Variants in CSMD1 observed in about 807,000 individuals in gnomAD.
The protein encoded by CSMD1 is CUB and sushi domain-containing protein 1.
CSMD1 carries 213 observed loss-of-function variants against 417.5 expected under a neutral mutation model. The ratio of observed to expected loss-of-function variants is 0.51; its 90% CI spans 0.46 to 0.57. CSMD1 has a LOEUF of 0.57. Ranked by LOEUF, CSMD1 falls within the 20% of genes least tolerant of loss-of-function variation. The pLI, the probability that CSMD1 is intolerant of heterozygous loss-of-function variation, is 0.00. For missense variants in CSMD1, 6,923 were observed against 4,529.7 expected (o/e 1.53, Z -15.17); for synonymous variants, 2,862 against 1,736.8 (o/e 1.65, Z -16.11).
At chr8:3,890,214 T>A (rs1312888624) in intron 5 of CSMD1, among the ~76,000 whole-genome samples, 1 of 152,152 alleles carries the variant, frequency 6.6e-6, no homozygotes. Flanking sequence ...CAATTTTACT[T>A]TTAATAAAAG....
chr8:4,898,852 T>A (rs1385020565), intron 1 of CSMD1, among the ~76,000 whole-genome samples: 1 of 152,174 alleles, frequency 6.6e-6, no homozygotes, highest in African/African-American at 2.4e-5. Context: ...AATGACAGTG[T>A]GGTTTATTTG....
chr8:3,268,287 C>CGTTT (rs1801580454), intron 26 of CSMD1, among the ~76,000 whole-genome samples: 1 of 114,652 alleles, frequency 8.7e-6, no homozygotes, highest in Admixed American at 1.0e-4. Flanking sequence ...GGTTCATTTC[C>CGTTT]TATTTTTTTT....
At chr8:4,436,341 CCTT>C (rs763304340) in intron 2 of CSMD1, among the ~76,000 whole-genome samples, 5 of 152,064 alleles carry the variant, frequency 3.3e-5, no homozygotes, top group Admixed American at 6.6e-5. Context: ...GTCAATCTCT[CCTT>C]CTTGTGGAGA....
chr8:3,306,896 A>C (rs180706555), intron 25 of CSMD1, among the ~76,000 whole-genome samples: 2 of 152,240 alleles, frequency 1.3e-5, no homozygotes, highest in South Asian at 4.1e-4. Flanking sequence ...ACTCATCATC[A>C]TAACTCAGAA....
chr8:3,774,692 G>C (rs544682578), intron 5 of CSMD1, among the ~76,000 whole-genome samples: 22 of 152,232 alleles, frequency 1.4e-4, no homozygotes, highest in African/African-American at 4.8e-4. Flanking sequence ...CTAATGCTAA[G>C]TGCAAAGGAA....
intron 5 of CSMD1, among the ~76,000 whole-genome samples, chr8:3,817,577 C>G (rs947399675): frequency 6.6e-6 from 1 of 151,994 alleles, no homozygotes; most frequent in Non-Finnish European, 1.5e-5. Flanking sequence ...CTGCGCCTGG[C>G]CATCTTCTTT....
At chr8:4,923,280 G>A (rs1267924045) in intron 1 of CSMD1, among the ~76,000 whole-genome samples, 2 of 152,102 alleles carry the variant, frequency 1.3e-5, no homozygotes, top group African/African-American at 4.8e-5. Context: ...ACTCACTCAT[G>A]CCTCATCCTC....
intron 26 of CSMD1, among the ~76,000 whole-genome samples, chr8:3,252,042 T>G (rs182450683): frequency 1.9e-3 from 283 of 152,324 alleles, no homozygotes; most frequent in African/African-American, 6.5e-3. Flanking sequence ...TTTTCCTAAT[T>G]GAATACCTTT....
At chr8:4,193,794 G>GC (rs1445978319) in intron 3 of CSMD1, among the ~76,000 whole-genome samples, 1 of 152,054 alleles carries the variant, frequency 6.6e-6, no homozygotes, top group Non-Finnish European at 1.5e-5. Context: ...TGACATCGAA[G>GC]GATGCTATGG....
At chr8:3,739,458 T>C (rs890417077) in intron 6 of CSMD1, among the ~76,000 whole-genome samples, 1 of 152,228 alleles carries the variant, frequency 6.6e-6, no homozygotes, top group African/African-American at 2.4e-5. Context: ...CACCCGTTAA[T>C]TACTCTGGTT....
chr8:3,520,041 C>T lies in CSMD1; in HGVS notation c.1345-26315G>A, dbSNP rs866641033. 9.5e-3 allele frequency among the ~76,000 whole-genome samples: 982 copies of T among 103,854 alleles called. 12 individuals are homozygous for T. The highest frequency in any genetic ancestry group is 0.044 in the African/African-American group (920 of 20,682). 68.1% of individuals were successfully genotyped at this position (103,854 alleles called of 152,430 possible). A position where few individuals can be genotyped will look rare whatever the true frequency, so the allele number is the denominator to read the frequency against. ...ATACCTATATATATATATATATATA[C>T]ACGTATAGTTGTGAAACTTGCTCCA... is the stretch of plus-strand genomic sequence containing the variant. On this transcript the variant is annotated intron_variant, in intron 10 of 69. Coordinates refer to ENST00000635120, the MANE Select transcript of CSMD1 (RefSeq NM_033225.6).
chr8:4,696,590 C>T (rs746129453), intron 1 of CSMD1, among the ~76,000 whole-genome samples: 6 of 152,078 alleles, frequency 3.9e-5, no homozygotes, highest in African/African-American at 7.2e-5. Context: ...AGTTAATTTC[C>T]CCCGTATTAC....
intron 1 of CSMD1, among the ~76,000 whole-genome samples, chr8:4,961,045 C>G (rs1312082169): frequency 6.6e-6 from 1 of 151,994 alleles, no homozygotes; most frequent in Admixed American, 6.6e-5. Context: ...TCTTCTCACC[C>G]TACGAAATAG....
intron 2 of CSMD1, among the ~76,000 whole-genome samples, chr8:4,459,516 G>A (rs948686175): frequency 6.6e-6 from 1 of 152,180 alleles, no homozygotes; most frequent in African/African-American, 2.4e-5. Context: ...AATGGAAATT[G>A]TGAGGATAAG....
chr8:4,176,716 A>G (rs1798065705), intron 3 of CSMD1, among the ~76,000 whole-genome samples: 1 of 150,952 alleles, frequency 6.6e-6, no homozygotes, highest in Non-Finnish European at 1.5e-5. Context: ...ATAGGCTCAA[A>G]ATAAAAGGAT....
At chr8:3,051,491 G>T (rs1215658820) in intron 50 of CSMD1, among the ~76,000 whole-genome samples, 1 of 152,128 alleles carries the variant, frequency 6.6e-6, no homozygotes. Flanking sequence ...TGTCTCTTGG[G>T]TACTATGGTT....
chr8:4,508,413 C>T (rs973363087), intron 2 of CSMD1, among the ~76,000 whole-genome samples: 1 of 152,036 alleles, frequency 6.6e-6, no homozygotes, highest in Non-Finnish European at 1.5e-5. Flanking sequence ...ATAATCTTTG[C>T]CATGCTTCAA....
chr8:4,963,921 A>G (rs1453373042), intron 1 of CSMD1, among the ~76,000 whole-genome samples: 1 of 152,090 alleles, frequency 6.6e-6, no homozygotes, highest in African/African-American at 2.4e-5. Context: ...CACCTCACTT[A>G]CTAGTATTAA....
rs140677856 is a variant in CSMD1, at chr8:3,214,742, T to C, written c.4673-51A>G. On this transcript the variant is annotated intron_variant, in intron 29 of 69. Transcript: ENST00000635120. Reference sequence around the variant, plus strand: ...CATGAGAGCAGGGATCTTATTCTTGTTTGTGTTTTTGTTTGTTGGGTTGGT... The same window carrying C: ...CATGAGAGCAGGGATCTTATTCTTGCTTGTGTTTTTGTTTGTTGGGTTGGT... 9.2e-5 allele frequency: 132 copies of C among 1,433,760 alleles called. 2 individuals carry two copies. In the African/African-American group the frequency reaches 1.5e-3, roughly 16 times the overall value. 88.8% of individuals were successfully genotyped at this position (1,433,760 alleles called of 1,614,324 possible).
Sources: allele counts gnomAD v4.1 joint callset (sites outside exome capture counted in the v4.1 genomes callset), GRCh38; gene constraint gnomAD v4.1.1; transcripts MANE v1.5; gene names NCBI Gene and HGNC (gene_info 2026-07-23, HGNC 2026-07-21).